RAPGEF2: variants seen among roughly 807,000 people sequenced by gnomAD.
RAPGEF2 encodes the protein Rap guanine nucleotide exchange factor 2.
RAPGEF2 carries 54 observed loss-of-function variants against 186.7 expected under a neutral mutation model. The observed-to-expected ratio is 0.29, with a 90% CI of 0.23 to 0.36. The LOEUF (loss-of-function observed/expected upper bound fraction) is 0.36, where lower values mean the gene tolerates loss of function less well. Among genes scored for constraint, RAPGEF2 ranks in the 10% least tolerant of loss-of-function variants. The pLI is 1.00. For synonymous variants in RAPGEF2, 712 were observed against 705.9 expected (o/e 1.01, Z -0.14); for missense variants, 1,532 against 2,045.0 (o/e 0.75, Z 4.84).
chr4:159,245,775 ACCCAG>A lies in RAPGEF2; in HGVS notation c.543+1986_543+1990del, dbSNP rs1447154092. ...CTCCCCTGATTTTAATGAGGAAAAA[ACCCAG>A]CTCTTCCATTTTCCTAGTTTGGAAA... On this transcript the variant is annotated intron_variant, in intron 7 of 29. Transcript: ENST00000691494. Among the ~76,000 whole-genome samples, 5 of 152,156 alleles carry A rather than the reference ACCCAG, an allele frequency of 3.3e-5. No homozygotes were observed. In the East Asian group the frequency reaches 9.6e-4, roughly 29 times the overall value.
chr4:159,339,012 A>G (rs1393555055), intron 18 of RAPGEF2, 102 bp from the exon 19 acceptor site: 10 of 1,391,896 alleles, frequency 7.2e-6, no homozygotes, highest in Admixed American at 2.2e-5. Flanking sequence ...AAAGTTCAGC[A>G]TTGCTTTTTC....
intron 17 of RAPGEF2, among the ~76,000 whole-genome samples, chr4:159,334,039 A>G (rs1380398206): frequency 6.6e-6 from 1 of 152,238 alleles, no homozygotes; most frequent in Non-Finnish European, 1.5e-5. Context: ...GTGGTTTTGT[A>G]TCAGCAGTCT....
In RAPGEF2 at chr4:159,222,514, A is replaced by G. The variant is rs373697300; in HGVS notation, c.281+11931A>G. Among the ~76,000 whole-genome samples the G allele has an allele frequency of 2.7e-4, 41 of 152,338 alleles. No homozygotes were observed. In the Middle Eastern group the frequency reaches 0.01, roughly 38 times the overall value. ...GAAGAAATAAATAATGCTATATTTC[A>G]TAAAGATTTTAGAGTCTGATGTTTG... On this transcript the variant is annotated intron_variant, in intron 4 of 29. Coordinates refer to ENST00000691494, the MANE Select transcript of RAPGEF2 (RefSeq NM_001394067.2).
intron 7 of RAPGEF2, among the ~76,000 whole-genome samples, chr4:159,298,666 T>C (rs1762301295): frequency 6.6e-6 from 1 of 152,302 alleles, no homozygotes. Context: ...GAATGGCTTT[T>C]AAAATAACTT....
intron 3 of RAPGEF2, among the ~76,000 whole-genome samples, chr4:159,199,348 A>G (rs1363985493): frequency 6.6e-6 from 1 of 152,204 alleles, no homozygotes; most frequent in Non-Finnish European, 1.5e-5. Flanking sequence ...AAGAGTATTT[A>G]AATAAAAACG....
chr4:159,194,433 G>T (rs1297831063), intron 3 of RAPGEF2, among the ~76,000 whole-genome samples: 2 of 152,052 alleles, frequency 1.3e-5, no homozygotes, highest in African/African-American at 4.8e-5. Context: ...TTGACACAGT[G>T]GTATCACAGA....
chr4:159,314,782 G>T lies in RAPGEF2; in HGVS notation c.853+14G>T. On this transcript the variant is annotated intron_variant, in intron 9 of 29. Transcript: ENST00000691494. The stretch of plus-strand genomic sequence containing the variant: ...ATGATGACATTGGTAAGCTTGAACA[G>T]GAAAATGAATCTACGAGCAATTAAA... 6.4e-7 allele frequency: 1 copy of T among 1,565,640 alleles called. No homozygotes were observed. Among genetic ancestry groups the T allele is most frequent in the East Asian group, 2.3e-5 (1 of 42,954 alleles).
chr4:159,180,350 A>G (rs1458130106), intron 1 of RAPGEF2, among the ~76,000 whole-genome samples: 1 of 152,032 alleles, frequency 6.6e-6, no homozygotes. Flanking sequence ...TTTTTTTCCT[A>G]CATACCCAAA....
At chr4:159,257,555 G>A (rs1000396730) in intron 7 of RAPGEF2, among the ~76,000 whole-genome samples, 3 of 152,142 alleles carry the variant, frequency 2.0e-5, no homozygotes, top group African/African-American at 7.2e-5. Flanking sequence ...GGGATGCAGA[G>A]CCAAATCATA....
intron 4 of RAPGEF2, among the ~76,000 whole-genome samples, chr4:159,235,650 A>G (rs1002346503): frequency 1.3e-5 from 2 of 152,328 alleles, no homozygotes; most frequent in African/African-American, 4.8e-5. Context: ...TTTATCTCCT[A>G]TACATCTTTA....
chr4:159,225,792 C>T (rs948921655), intron 4 of RAPGEF2, among the ~76,000 whole-genome samples: 1 of 152,102 alleles, frequency 6.6e-6, no homozygotes, highest in African/African-American at 2.4e-5. Context: ...GACAAAGTGT[C>T]AGTTCACCTC....
chr4:159,225,103 G>A (rs1192072007), intron 4 of RAPGEF2, among the ~76,000 whole-genome samples: 2 of 152,174 alleles, frequency 1.3e-5, no homozygotes, highest in Non-Finnish European at 2.9e-5. Flanking sequence ...GAGATAACCT[G>A]GGTCACCTGA....
At chr4:159,233,297 T>A (rs1752850281) in intron 4 of RAPGEF2, among the ~76,000 whole-genome samples, 1 of 152,192 alleles carries the variant, frequency 6.6e-6, no homozygotes, top group South Asian at 2.1e-4. Context: ...CTCTTACATT[T>A]AGCTTGTTGA....
At chr4:159,167,400 T>C (rs1286161979) in intron 1 of RAPGEF2, among the ~76,000 whole-genome samples, 1 of 152,138 alleles carries the variant, frequency 6.6e-6, no homozygotes, top group Non-Finnish European at 1.5e-5. Flanking sequence ...AAAGATAGGC[T>C]GAGAATAGAT....
intron 2 of RAPGEF2, among the ~76,000 whole-genome samples, chr4:159,191,280 G>A (rs6825809): frequency 0.49 from 74,197 of 151,916 alleles, 20,053 homozygotes; most frequent in African/African-American, 0.74. Context: ...ATAATGCTGT[G>A]AGGAAAAAGG....
intron 7 of RAPGEF2, among the ~76,000 whole-genome samples, chr4:159,283,129 A>G (rs1759957187): frequency 6.6e-6 from 1 of 152,170 alleles, no homozygotes; most frequent in South Asian, 2.1e-4. Context: ...AGGCTTAAGC[A>G]AATTCATGTT....
chr4:159,152,179 A>G (rs868069742), intron 1 of RAPGEF2, among the ~76,000 whole-genome samples: 12 of 151,870 alleles, frequency 7.9e-5, no homozygotes, highest in South Asian at 2.1e-4. Context: ...AAATTTAGCC[A>G]GGCATAGTGT....
At chr4:159,233,670 C>T (rs1187057534) in intron 4 of RAPGEF2, among the ~76,000 whole-genome samples, 7 of 151,776 alleles carry the variant, frequency 4.6e-5, no homozygotes, top group African/African-American at 9.7e-5. Flanking sequence ...TTGTGTGCAG[C>T]GTATACTGCT....
intron 3 of RAPGEF2, among the ~76,000 whole-genome samples, chr4:159,206,724 G>C (rs1231541196): frequency 6.6e-6 from 1 of 152,186 alleles, no homozygotes; most frequent in Admixed American, 6.5e-5. Flanking sequence ...GGTTAGTTCA[G>C]TGCTTTCTAA....
Sources: gnomAD v4.1 joint callset for allele counts (sites outside exome capture counted in the v4.1 genomes callset) on GRCh38, gnomAD v4.1.1 for gene constraint, MANE v1.5 for transcripts, NCBI Gene and HGNC (gene_info 2026-07-23, HGNC 2026-07-21) for gene names.